FGD6: variants seen among roughly 807,000 people sequenced by gnomAD.
FGD6 encodes FYVE, RhoGEF and PH domain-containing protein 6.
In FGD6, 90 loss-of-function variants were observed where a neutral mutation model predicts 149.4. The observed-to-expected ratio is 0.60, with a 90% CI of 0.51 to 0.72. FGD6 has a LOEUF of 0.72. Ranked by LOEUF, FGD6 falls within the 30% of genes least tolerant of loss-of-function variation. The pLI is 0.00. For missense variants in FGD6, 1,437 were observed against 1,684.8 expected (o/e 0.85, Z 2.57); for synonymous variants, 527 against 584.0 (o/e 0.90, Z 1.41).
At chr12:95,164,227 CT>C (rs5800187) in intron 3 of FGD6, among the ~76,000 whole-genome samples, 122,508 of 140,898 alleles carry the variant, frequency 0.87, 53,459 homozygotes, top group East Asian at 0.97. Flanking sequence ...TTTGTAAATT[CT>C]TTTTTTTTTT....
At chr12:95,162,165 A>G (rs1030265158) in intron 3 of FGD6, among the ~76,000 whole-genome samples, 10 of 151,118 alleles carry the variant, frequency 6.6e-5, no homozygotes, top group African/African-American at 2.4e-4. Context: ...CACTTGAGAG[A>G]CTGAGGTAGG....
intron 5 of FGD6, among the ~76,000 whole-genome samples, chr12:95,142,544 C>T (rs1454977474): frequency 6.6e-6 from 1 of 152,184 alleles, no homozygotes; most frequent in African/African-American, 2.4e-5. Flanking sequence ...TCCCAAAGTG[C>T]TGTGATTATA....
At chr12:95,207,272 G>A (rs776444114) in intron 2 of FGD6, among the ~76,000 whole-genome samples, 2 of 152,018 alleles carry the variant, frequency 1.3e-5, no homozygotes, top group African/African-American at 2.4e-5. Flanking sequence ...TTCCTCTTCC[G>A]CCATGATTGT....
At chr12:95,154,662 T>C (rs1049522727) in intron 3 of FGD6, among the ~76,000 whole-genome samples, 2 of 152,208 alleles carry the variant, frequency 1.3e-5, no homozygotes, top group African/African-American at 2.4e-5. Context: ...AGAGGTCTCT[T>C]TGCATTCTCG....
rs1461358533 is a variant in FGD6 at position 95,077,190 on chromosome 12, G to T, written c.*4330C>A. On this transcript the variant is annotated 3_prime_UTR_variant, in exon 21 of 21. Transcript: ENST00000343958. ...GAGGCACTTAAAAAAAATCAGAAGG[G>T]ATCCATAGGAAGGAATTTAATTCAG... The T allele has an allele frequency of 6.6e-6, 1 of 152,202 alleles. No individual in the cohort carries two copies. The highest frequency in any genetic ancestry group is 1.5e-5 in the Non-Finnish European group (1 of 68,048). The allele number at this position is 152,202 out of a possible 1,614,324, so 9.4% of individuals were successfully genotyped here. A position where few individuals can be genotyped will look rare whatever the true frequency, so the allele number is the denominator to read the frequency against.
Position 95,108,385 on chromosome 12 carries a change from C to T in FGD6, c.3227G>A (p.Ser1076Asn). The change falls in exon 11 of 21, where the codon AGC becomes AAC. Residue 1076 changes from serine to asparagine, a missense_variant. Ser to Asn is a conservative substitution (Grantham distance 46). Around this residue, in one of 2 missense-constraint regions of FGD6, gnomAD observed 382 missense variants for 538.7 expected, o/e 0.71. Transcript: ENST00000343958. ...CACAATTTCATGGTGTCCATTTAAG[C>T]TGTACTGAATTTGCATAAGTTTCTG... ...NFQKLMQIQY[S>N]LNGHHEIVQP... 6.2e-7 allele frequency: 1 copy of T among 1,614,130 alleles called. No homozygotes were observed. Among genetic ancestry groups the T allele is most frequent in the Non-Finnish European group, 8.5e-7 (1 of 1,180,014 alleles).
intron 2 of FGD6, among the ~76,000 whole-genome samples, chr12:95,185,304 A>G (rs1881398125): frequency 6.6e-6 from 1 of 152,242 alleles, no homozygotes; most frequent in South Asian, 2.1e-4. Context: ...CTCAGATTAC[A>G]TCTTCGAAAG....
intron 14 of FGD6, among the ~76,000 whole-genome samples, chr12:95,096,853 G>T (rs748706202): frequency 4.6e-5 from 7 of 152,210 alleles, no homozygotes; most frequent in Admixed American, 6.5e-5. Context: ...AGAACTACAT[G>T]ATGAGAATAC....
chr12:95,196,619 T>C (rs1281580871), intron 2 of FGD6, among the ~76,000 whole-genome samples: 2 of 151,960 alleles, frequency 1.3e-5, no homozygotes, highest in Non-Finnish European at 2.9e-5. Flanking sequence ...GCATAGACAG[T>C]ATTAATAAAC....
intron 3 of FGD6, among the ~76,000 whole-genome samples, chr12:95,160,539 G>C (rs1385314443): frequency 6.6e-6 from 1 of 152,158 alleles, no homozygotes; most frequent in Non-Finnish European, 1.5e-5. Flanking sequence ...ATGGGTATGA[G>C]ACTTCAGTGA....
intron 2 of FGD6, among the ~76,000 whole-genome samples, chr12:95,197,799 C>T (rs1881769826): frequency 6.6e-6 from 1 of 152,150 alleles, no homozygotes; most frequent in Non-Finnish European, 1.5e-5. Flanking sequence ...TAATCCTTTC[C>T]ATGCCATTAA....
In FGD6 at chr12:95,091,664, G is replaced by A. The variant is rs1565893098; in HGVS notation, c.3850+43C>T. 11 of 1,424,062 alleles carry A rather than the reference G, an allele frequency of 7.7e-6. No individual in the cohort carries two copies. The African/African-American group carries it at 9.9e-5, about 13-fold the overall frequency. The allele number at this position is 1,424,062 out of a possible 1,614,324, so 88.2% of individuals were successfully genotyped here. On this transcript the variant is annotated intron_variant, in intron 17 of 20. Transcript: ENST00000343958. ...TCAGAAGGTTGTTTGAAAGCATCTG[G>A]GGAATAAAGGAATTTTTGGTTAAAT... is the stretch of plus-strand genomic sequence containing the variant.
rs547920085 is a variant in FGD6, at chr12:95,120,340, A to T, written c.3083-6639T>A. On this transcript the variant is annotated intron_variant, in intron 8 of 20. Coordinates refer to ENST00000343958, the MANE Select transcript of FGD6 (RefSeq NM_018351.4). ...GAATAATTTATTTATTTATTTATTTATTTTTTATTTTTTTTGCTTCATGAT... is the reference window on the plus strand; with the variant it reads ...GAATAATTTATTTATTTATTTATTTTTTTTTTATTTTTTTTGCTTCATGAT... Among the ~76,000 whole-genome samples the T allele has an allele frequency of 1.3e-3, 204 of 151,722 alleles. 2 individuals are homozygous for T. The highest frequency in any genetic ancestry group is 1.6e-3 in the African/African-American group (67 of 41,462).
intron 11 of FGD6, 117 bp downstream of exon 11, chr12:95,108,231 A>C: frequency 2.3e-6 from 2 of 879,168 alleles, no homozygotes; most frequent in Non-Finnish European, 3.5e-6. Context: ...TAAAGTGATC[A>C]AAATTGAATC....
intron 2 of FGD6, among the ~76,000 whole-genome samples, chr12:95,200,287 C>T (rs2056649168): frequency 6.6e-6 from 1 of 152,118 alleles, no homozygotes; most frequent in Admixed American, 6.5e-5. Context: ...ACATAAAAAG[C>T]CTAAATGTGT....
Position 95,217,373 on chromosome 12 carries a change from G to GGGA in FGD6, c.-134_-133insTCC. The GGGA allele has an allele frequency of 7.6e-7, 1 of 1,322,884 alleles. No homozygotes were observed. The highest frequency in any genetic ancestry group is 1.0e-6 in the Non-Finnish European group (1 of 1,004,300). The allele number at this position is 1,322,884 out of a possible 1,614,324, so 81.9% of individuals were successfully genotyped here. A position where few individuals can be genotyped will look rare whatever the true frequency, so the allele number is the denominator to read the frequency against. On this transcript the variant is annotated 5_prime_UTR_variant, in exon 1 of 21. Transcript: ENST00000343958. ...ACATTCCGTCCCGCCGCCCCGCGGC[G>GGGA]CAGCCTGAGCGCCACACAAAGGACG...
intron 2 of FGD6, among the ~76,000 whole-genome samples, chr12:95,190,294 C>T (rs947733753): frequency 2.0e-5 from 3 of 152,122 alleles, no homozygotes; most frequent in African/African-American, 7.2e-5. Context: ...TTCAGCCTCC[C>T]GAGTAGCTGA....
intron 2 of FGD6, among the ~76,000 whole-genome samples, chr12:95,188,987 A>T (rs1026022361): frequency 3.3e-5 from 5 of 152,324 alleles, no homozygotes; most frequent in South Asian, 2.1e-4. Flanking sequence ...GATAATCTCA[A>T]AATGAATTCT....
At chr12:95,131,329 G>C (rs147589441) in intron 8 of FGD6, among the ~76,000 whole-genome samples, 69 of 152,030 alleles carry the variant, frequency 4.5e-4, no homozygotes, top group African/African-American at 1.6e-3. Context: ...GGCTGGTCTC[G>C]AACTCCTGAC....
Sources: allele counts gnomAD v4.1 joint callset (sites outside exome capture counted in the v4.1 genomes callset), GRCh38; gene constraint gnomAD v4.1.1; regional missense constraint gnomAD v4.1.1; transcripts MANE v1.5; gene names NCBI Gene and HGNC (gene_info 2026-07-23, HGNC 2026-07-21).